NIBAN1: variants seen among roughly 807,000 people sequenced by gnomAD.
The protein encoded by NIBAN1 is protein Niban 1.
A neutral mutation model predicts 75.1 loss-of-function variants in NIBAN1; 81 were observed. The observed-to-expected ratio is 1.08, with a 90% CI of 0.90 to 1.30. The LOEUF (loss-of-function observed/expected upper bound fraction) is 1.30, where lower values mean the gene tolerates loss of function less well. NIBAN1 is among the 50% of genes most tolerant of loss of function. The pLI, the probability that NIBAN1 is intolerant of heterozygous loss-of-function variation, is 0.00. For synonymous variants in NIBAN1, 436 were observed against 424.8 expected, an observed-to-expected ratio of 1.03 and a Z score of -0.32; for missense variants, 1,133 against 1,128.1, an observed-to-expected ratio of 1.00 and a Z score of -0.06.
intron 5 of NIBAN1, among the ~76,000 whole-genome samples, chr1:184,855,891 T>C (rs757951789): frequency 2.6e-5 from 4 of 152,208 alleles, no homozygotes; most frequent in Non-Finnish European, 4.4e-5. Context: ...TAAATTAATG[T>C]ATAAGTATTC....
At chr1:184,894,919 C>T (rs894044559) in intron 2 of NIBAN1, among the ~76,000 whole-genome samples, 2 of 152,138 alleles carry the variant, frequency 1.3e-5, no homozygotes, top group African/African-American at 4.8e-5. Context: ...GGATAATTCC[C>T]ATCCGGCTTC....
intron 6 of NIBAN1, among the ~76,000 whole-genome samples, chr1:184,831,134 T>C (rs1295484435): frequency 1.3e-5 from 2 of 152,126 alleles, no homozygotes; most frequent in Non-Finnish European, 1.5e-5. Context: ...CAAAGCAGTT[T>C]CCTTAGATTT....
intron 10 of NIBAN1, 67 bp from the exon 11 acceptor site, chr1:184,806,123 G>GTGATGGGGTGATGTTGCCTTGGGTACCCC: frequency 7.5e-7 from 1 of 1,327,076 alleles, no homozygotes; most frequent in Non-Finnish European, 1.1e-6. Flanking sequence ...CACAGGCCTG[G>GTGATGGGGTGATGTTGCCTTGGGTACCCC]CTAAGTGGGA....
intron 1 of NIBAN1, among the ~76,000 whole-genome samples, chr1:184,971,374 C>T (rs1444017235): frequency 6.7e-6 from 1 of 149,794 alleles, no homozygotes. Context: ...CTTTCTTCCT[C>T]ATTAAAAAAA....
chr1:184,801,342 G>T (rs957212223), intron 12 of NIBAN1, among the ~76,000 whole-genome samples: 1 of 152,174 alleles, frequency 6.6e-6, no homozygotes, highest in African/African-American at 2.4e-5. Context: ...CCCCTAGAGG[G>T]TCTAGAGGCA....
chr1:184,871,419 G>A (rs74705099), intron 5 of NIBAN1, among the ~76,000 whole-genome samples: 4,359 of 151,534 alleles, frequency 0.029, 97 homozygotes, highest in Non-Finnish European at 0.04. Context: ...AATGTCATGG[G>A]AGGATGAAGG....
intron 11 of NIBAN1, among the ~76,000 whole-genome samples, chr1:184,805,579 A>G (rs867129753): frequency 2.0e-4 from 31 of 152,346 alleles, no homozygotes; most frequent in Middle Eastern, 3.4e-3. Context: ...CGCCAGTTTA[A>G]TGGATTTTAC....
At chr1:184,880,655 G>T (rs1482717191) in intron 5 of NIBAN1, among the ~76,000 whole-genome samples, 2 of 152,152 alleles carry the variant, frequency 1.3e-5, no homozygotes, top group Non-Finnish European at 2.9e-5. Context: ...TCCTGAGCTG[G>T]AAGAACAGAC....
At chr1:184,951,267 G>A (rs182516413) in intron 1 of NIBAN1, among the ~76,000 whole-genome samples, 16 of 152,316 alleles carry the variant, frequency 1.1e-4, no homozygotes, top group East Asian at 1.9e-4. Context: ...GAGGTAACAC[G>A]TGTAATGTTC....
At chr1:184,884,862 G>A (rs1656478101) in intron 4 of NIBAN1, 62 bp from the exon 5 acceptor site, 12 of 1,559,120 alleles carry the variant, frequency 7.7e-6, no homozygotes, top group Non-Finnish European at 1.0e-5. Flanking sequence ...TCAAATGTGT[G>A]TTTCAGGTCG....
intron 1 of NIBAN1, among the ~76,000 whole-genome samples, chr1:184,973,510 G>C (rs1159998744): frequency 6.6e-6 from 1 of 151,782 alleles, no homozygotes; most frequent in African/African-American, 2.4e-5. Flanking sequence ...AGTTTGGGGT[G>C]GGGGGTGAGA....
At chr1:184,890,282 A>G in intron 3 of NIBAN1, 60 bp from the exon 4 acceptor site, 1 of 1,158,724 alleles carries the variant, frequency 8.6e-7, no homozygotes, top group Non-Finnish European at 1.3e-6. Context: ...TTTGGAAAAT[A>G]TCAGGGATAT....
intron 5 of NIBAN1, among the ~76,000 whole-genome samples, chr1:184,868,894 G>C (rs975181753): frequency 2.6e-5 from 4 of 152,140 alleles, no homozygotes; most frequent in Non-Finnish European, 5.9e-5. Context: ...TGTCTTACCA[G>C]CTGCCCCAGA....
At position 184,794,888 on chromosome 1, in the gene NIBAN1, T is replaced by G; in HGVS notation, c.*89A>C. ...CAAATTAAGAAAATACTTAAAAATT[T>G]TTTGGTAACAGCTTGCATGCAACCC... On this transcript the variant is annotated 3_prime_UTR_variant, in exon 14 of 14. Transcript: ENST00000367511. 6.4e-7 allele frequency: 1 copy of G among 1,568,782 alleles called. No homozygotes were observed. Among genetic ancestry groups the G allele is most frequent in the Non-Finnish European group, 8.7e-7 (1 of 1,152,442 alleles).
At chr1:184,916,316 A>C (rs1657382374) in intron 1 of NIBAN1, among the ~76,000 whole-genome samples, 1 of 152,206 alleles carries the variant, frequency 6.6e-6, no homozygotes, top group Non-Finnish European at 1.5e-5. Context: ...GTAATAGGTA[A>C]ATACATTATT....
At position 184,823,148 on chromosome 1, in the gene NIBAN1, ATGGATTATCTCTAC is replaced by A. The variant is rs1273102487; in HGVS notation, c.985+5_985+18del. The A allele has an allele frequency of 1.1e-5, 17 of 1,612,450 alleles. No homozygotes were observed. Among genetic ancestry groups the A allele is most frequent in the Non-Finnish European group, 1.4e-5 (17 of 1,179,052 alleles). On this transcript the variant is annotated splice_donor_5th_base_variant and intron_variant, in intron 8 of 13. Coordinates refer to ENST00000367511, the MANE Select transcript of NIBAN1 (RefSeq NM_052966.4). ...TACAGCTTATTTAATTAGTAAGAGCATGGATTATCTCTACTGACCTTTGATCTTTCCAATTAAAT... is the reference window on the plus strand; with the variant it reads ...TACAGCTTATTTAATTAGTAAGAGCATGACCTTTGATCTTTCCAATTAAAT...
intron 1 of NIBAN1, among the ~76,000 whole-genome samples, chr1:184,919,979 A>G (rs1365594782): frequency 6.6e-6 from 1 of 152,068 alleles, no homozygotes; most frequent in East Asian, 1.9e-4. Context: ...CAGGGATAGA[A>G]AGAAAAAACT....
rs1340975253 is a variant in NIBAN1 at position 184,795,441 on chromosome 1, G to T, written c.2323C>A (p.Pro775Thr). 1 of 1,608,376 alleles carries T rather than the reference G, an allele frequency of 6.2e-7. No individual in the cohort carries two copies. The highest frequency in any genetic ancestry group is 1.1e-5 in the South Asian group (1 of 90,324). ...TCCCCATGGGCCTCGGGACAGGGAG[G>T]TTGGGCCTCCCTCTCGCTGACTTCA... ...ESEVSEREAQ[P>T]PCPEAHGEEL... is the part of the protein sequence containing the mutation. Residue 775 changes from proline to threonine, a missense_variant, in exon 14 of 14, where the codon CCT (proline) becomes ACT (threonine). Transcript: ENST00000367511.
intron 9 of NIBAN1, among the ~76,000 whole-genome samples, 160 bp from the exon 10 acceptor site, chr1:184,808,395 TC>T (rs1432369813): frequency 6.6e-6 from 1 of 152,188 alleles, no homozygotes; most frequent in Non-Finnish European, 1.5e-5. Context: ...TGTCTTATTT[TC>T]CTCCTGCAGT....
Sources: gnomAD v4.1 joint callset for allele counts (sites outside exome capture counted in the v4.1 genomes callset) on GRCh38, gnomAD v4.1.1 for gene constraint, MANE v1.5 for transcripts, NCBI Gene and HGNC (gene_info 2026-07-23, HGNC 2026-07-21) for gene names.